The following PCDH15 variants were observed in gnomAD, a reference collection of about 807,000 sequenced individuals.
The protein encoded by PCDH15 is protocadherin related 15.
A neutral mutation model predicts 178.5 loss-of-function variants in PCDH15; 129 were observed. The observed-to-expected ratio is 0.72, with a 90% confidence interval of 0.63 to 0.84. The LOEUF is 0.84. Among genes scored for constraint, PCDH15 ranks in the 40% least tolerant of loss-of-function variants. PCDH15 has a pLI of 0.00. For missense variants in PCDH15, 2,230 were observed against 2,099.9 expected (o/e 1.06, Z -1.21); for synonymous variants, 800 against 732.0 (o/e 1.09, Z -1.50).
At chr10:55,525,064 T>C (rs1012014005) in intron 2 of PCDH15, among the ~76,000 whole-genome samples, 2 of 151,714 alleles carry the variant, frequency 1.3e-5, no homozygotes, top group Non-Finnish European at 3.0e-5. Context: ...ATTACTTTTA[T>C]AAAATGACCT....
At chr10:55,436,035 AC>A (rs1839030511) in intron 2 of PCDH15, among the ~76,000 whole-genome samples, 2 of 152,034 alleles carry the variant, frequency 1.3e-5, no homozygotes, top group Non-Finnish European at 2.9e-5. Context: ...TTGTTTACTT[AC>A]TTATATATGT....
At chr10:55,579,668 G>A (rs574940407) in intron 2 of PCDH15, among the ~76,000 whole-genome samples, 47 of 152,136 alleles carry the variant, frequency 3.1e-4, no homozygotes, top group Non-Finnish European at 6.0e-4. Flanking sequence ...AAAAAAAGAT[G>A]TCAAAAATAT....
At chr10:54,509,973 A>C (rs183118685) in intron 3 of PCDH15, among the ~76,000 whole-genome samples, 1 of 152,228 alleles carries the variant, frequency 6.6e-6, no homozygotes, top group African/African-American at 2.4e-5. Flanking sequence ...TCTGGATGGC[A>C]CTTAGGATGT....
chr10:54,337,322 T>C (rs1941373462), intron 6 of PCDH15, among the ~76,000 whole-genome samples: 5 of 152,010 alleles, frequency 3.3e-5, no homozygotes, highest in Admixed American at 3.3e-4. Flanking sequence ...TGTGAGGACA[T>C]GAGATTTGGG....
chr10:54,089,087 C>A (rs1280256058), intron 16 of PCDH15, among the ~76,000 whole-genome samples: 2 of 152,108 alleles, frequency 1.3e-5, no homozygotes, highest in African/African-American at 4.8e-5. Flanking sequence ...TCTATAGTTT[C>A]CCAGGCATTA....
chr10:54,868,411 C>G (rs190065696), intron 3 of PCDH15, among the ~76,000 whole-genome samples: 1 of 152,222 alleles, frequency 6.6e-6, no homozygotes, highest in Admixed American at 6.5e-5. Flanking sequence ...TACCTCATTC[C>G]ACATTCCTTG....
At chr10:54,393,077 T>C (rs1950757872) in intron 3 of PCDH15, among the ~76,000 whole-genome samples, 1 of 152,112 alleles carries the variant, frequency 6.6e-6, no homozygotes. Context: ...CATCTGAATT[T>C]AGATTCAAGC....
In PCDH15 at chr10:55,009,121, G is replaced by A. The variant is rs541950902; in HGVS notation, c.-79-111621C>T. Among the ~76,000 whole-genome samples the A allele has an allele frequency of 2.2e-3, 332 of 152,156 alleles. 1 individual carries two copies. The highest frequency in any genetic ancestry group is 4.0e-3 in the Non-Finnish European group (272 of 67,986). ...AAAACAAAGCCTTCTTTTAAATTCT[G>A]ACAGATCTTTTCAAACTTCATGTTA... On this transcript the variant is annotated intron_variant, in intron 2 of 5. Coordinates refer to the PCDH15 transcript ENST00000458638.
intron 3 of PCDH15, among the ~76,000 whole-genome samples, chr10:54,482,007 A>G (rs569573363): frequency 6.6e-6 from 1 of 151,960 alleles, no homozygotes; most frequent in African/African-American, 2.4e-5. Context: ...ACCTGACTTC[A>G]AATCTCATAA....
chr10:55,493,278 G>C (rs1443696332), intron 2 of PCDH15, among the ~76,000 whole-genome samples: 1 of 151,576 alleles, frequency 6.6e-6, no homozygotes, highest in African/African-American at 2.4e-5. Flanking sequence ...AAGCTAGGTG[G>C]GGCATGGTCG....
intron 3 of PCDH15, among the ~76,000 whole-genome samples, chr10:54,519,977 T>A (rs1361500967): frequency 6.6e-6 from 1 of 152,184 alleles, no homozygotes; most frequent in African/African-American, 2.4e-5. Flanking sequence ...ATTCCCTATT[T>A]AATAAATGGT....
chr10:54,460,741 G>A (rs2077114580), intron 3 of PCDH15, among the ~76,000 whole-genome samples: 1 of 152,054 alleles, frequency 6.6e-6, no homozygotes, highest in Non-Finnish European at 1.5e-5. Context: ...GGCATTTAAT[G>A]AGATAAGGAA....
rs2060577165 is a variant in PCDH15, at chr10:54,307,098, GTGTGTGTATATATATATATA to G, written c.876+10153_876+10172del. 1.3e-3 allele frequency among the ~76,000 whole-genome samples: 17 copies of G among 13,562 alleles called. 1 individual carries two copies. The highest frequency in any genetic ancestry group is 8.2e-3 in the Admixed American group (7 of 854). The allele number at this position is 13,562 out of a possible 152,430, so 8.9% of individuals were successfully genotyped here. A position where few individuals can be genotyped will look rare whatever the true frequency, so the allele number is the denominator to read the frequency against. On this transcript the variant is annotated intron_variant, in intron 8 of 37. Coordinates refer to ENST00000644397, the MANE Select transcript of PCDH15 (RefSeq NM_001384140.1). ...TATATATACATATATATATATGTGTGTGTGTGTATATATATATATATATATATATATATATATATATATAT... is the reference window on the plus strand; with the variant it reads ...TATATATACATATATATATATGTGTGTATATATATATATATATATATATAT...
At chr10:54,240,757 G>C (rs900107392) in intron 8 of PCDH15, among the ~76,000 whole-genome samples, 1 of 143,982 alleles carries the variant, frequency 6.9e-6, no homozygotes, top group African/African-American at 2.6e-5. Context: ...TCAGCCTCCC[G>C]AGTAGCTGGG....
At chr10:55,282,850 G>T (rs561049492) in intron 1 of PCDH15, among the ~76,000 whole-genome samples, 122 of 152,144 alleles carry the variant, frequency 8.0e-4, no homozygotes, top group Non-Finnish European at 1.4e-3. Context: ...TTATTGCAGT[G>T]AAAGAGACCT....
intron 2 of PCDH15, among the ~76,000 whole-genome samples, chr10:55,019,753 ACTT>A (rs1456584778): frequency 6.6e-6 from 1 of 152,138 alleles, no homozygotes; most frequent in Non-Finnish European, 1.5e-5. Flanking sequence ...AGTTCTTGGC[ACTT>A]CTTCTCACTT....
intron 20 of PCDH15, among the ~76,000 whole-genome samples, chr10:54,009,725 G>A (rs1589889468): frequency 6.6e-6 from 1 of 152,312 alleles, no homozygotes; most frequent in East Asian, 1.9e-4. Flanking sequence ...CTCCCACTGT[G>A]GAGAAACAGT....
chr10:55,357,704 G>T (rs980687547), intron 2 of PCDH15, among the ~76,000 whole-genome samples: 5 of 151,738 alleles, frequency 3.3e-5, no homozygotes, highest in African/African-American at 1.2e-4. Context: ...ACTTATCTCA[G>T]GTTGACCAGT....
At chr10:55,112,007 CATTT>C (rs889607108) in intron 2 of PCDH15, among the ~76,000 whole-genome samples, 3 of 151,964 alleles carry the variant, frequency 2.0e-5, no homozygotes, top group African/African-American at 7.3e-5. Context: ...CACAGTAACA[CATTT>C]ATTTTTTAGT....
Sources: allele counts gnomAD v4.1 joint callset (sites outside exome capture counted in the v4.1 genomes callset), GRCh38; gene constraint gnomAD v4.1.1; transcripts MANE v1.5; gene names NCBI Gene and HGNC (gene_info 2026-07-23, HGNC 2026-07-21).